Variants in C12orf57 observed in about 807,000 individuals in gnomAD.
C12orf57 encodes the protein chromosome 12 open reading frame 57, also known as protein C10.
In C12orf57, 14 loss-of-function variants were observed where a neutral mutation model predicts 11.3. That is an observed-to-expected ratio of 1.24 (90% CI 0.82 to 1.94). The LOEUF (loss-of-function observed/expected upper bound fraction) is 1.94, where lower values mean the gene tolerates loss of function less well. C12orf57 is among the 30% of genes most tolerant of loss of function. C12orf57 has a pLI of 0.00. For missense variants in C12orf57, 229 were observed against 172.4 expected (o/e 1.33, Z -1.84); for synonymous variants, 100 against 74.6 (o/e 1.34, Z -1.76).
intron 1 of C12orf57, 121 bp downstream of exon 1, chr12:6,944,294 G>A (rs1945733122): frequency 6.3e-7 from 1 of 1,596,018 alleles, no homozygotes; most frequent in Non-Finnish European, 8.5e-7. Context: ...CGTCCGCCGG[G>A]AAAATGGGGT....
At position 6,944,585 on chromosome 12, in the gene C12orf57, G is replaced by A. The variant is rs1446085412; in HGVS notation, c.162G>A (p.Val54=). The part of the protein sequence containing the change: ...CNDMGKMLQF[V]LPVATQIQQE... ...ACATGGGTAAGATGCTGCAATTCGT[G>A]CTGCCCGTGGCCACGCAGATCCAGC... Residue 54 remains valine (V), a synonymous_variant, in exon 2 of 3, where the codon GTG becomes GTA. Transcript: ENST00000229281. 1 of 1,614,082 alleles carries A rather than the reference G, an allele frequency of 6.2e-7. No homozygotes were observed. Among genetic ancestry groups the A allele is most frequent in the African/African-American group, 1.3e-5 (1 of 74,948 alleles).
At chr12:6,943,923 A>T (rs79145172), upstream of C12orf57, 13,219 of 1,316,230 alleles carry the variant, frequency 0.01, 91 homozygotes, top group Non-Finnish European at 0.012. Flanking sequence ...CACTGTGCAA[A>T]AATTATGGGT....
chr12:6,943,660 TA>T (rs1294563274), upstream of C12orf57: 4 of 1,288,324 alleles, frequency 3.1e-6, no homozygotes, highest in Non-Finnish European at 4.0e-6. Context: ...ATGAATGACT[TA>T]AGTAAGTTCC....
chr12:6,943,943 G>GGTC (rs1453438846), upstream of C12orf57: 5 of 1,433,152 alleles, frequency 3.5e-6, no homozygotes, highest in Non-Finnish European at 2.8e-6. Context: ...TAGTTTTGGT[G>GGTC]GTCTTGATGC....
upstream of C12orf57, chr12:6,943,986 A>C (rs1044189): frequency 0.31 from 490,709 of 1,578,814 alleles, 78,552 homozygotes; most frequent in African/African-American, 0.5. Flanking sequence ...GGTTTGGGCC[A>C]CGCCTGGGCG....
In C12orf57 at chr12:6,944,075, G is replaced by A. The variant is rs368386873; in HGVS notation, c.-47G>A. On this transcript the variant is annotated 5_prime_UTR_variant, in exon 1 of 3. The change creates a new upstream start codon in the 5' untranslated region. Coordinates refer to ENST00000229281, the MANE Select transcript of C12orf57 (RefSeq NM_138425.4). ...GGTTGTAGGACGTGGCTCTTTATTC[G>A]TGAGTTTTCCATTTACCTCCGCTGA... is the stretch of plus-strand genomic sequence containing the variant. 1.1e-5 allele frequency: 18 copies of A among 1,613,680 alleles called. No individual in the cohort carries two copies. The highest frequency in any genetic ancestry group is 5.5e-5 in the South Asian group (5 of 91,080).
upstream of C12orf57, chr12:6,943,841 G>GT: frequency 4.5e-6 from 4 of 885,578 alleles, no homozygotes; most frequent in Non-Finnish European, 6.4e-6. Flanking sequence ...TTTAGAATTT[G>GT]TCTAGTAGGC....
chr12:6,944,079 G>GA lies in C12orf57; in HGVS notation c.-43_-42insA, dbSNP rs1555145751. The GA allele has an allele frequency of 1.2e-6, 2 of 1,613,854 alleles. No homozygotes were observed. Among genetic ancestry groups the GA allele is most frequent in the East Asian group, 2.2e-5 (1 of 44,894 alleles). On this transcript the variant is annotated 5_prime_UTR_variant, in exon 1 of 3. Transcript: ENST00000229281. Reference sequence around the variant, plus strand: ...GTAGGACGTGGCTCTTTATTCGTGAGTTTTCCATTTACCTCCGCTGAACCT... The same window carrying GA: ...GTAGGACGTGGCTCTTTATTCGTGAGATTTTCCATTTACCTCCGCTGAACCT...
At chr12:6,943,908 G>A (rs782673805), upstream of C12orf57, 20 of 1,182,656 alleles carry the variant, frequency 1.7e-5, no homozygotes, top group African/African-American at 2.2e-4. Context: ...ATGATAGATT[G>A]TTTTCACTGT....
In C12orf57 at chr12:6,944,046, G is replaced by T. The variant is rs1297817085; in HGVS notation, c.-76G>T. ...TCCTTTCCGCTCCCAGGGGCGTTGG[G>T]AACGGTTGTAGGACGTGGCTCTTTA... On this transcript the variant is annotated 5_prime_UTR_variant, in exon 1 of 3. Coordinates refer to ENST00000229281, the MANE Select transcript of C12orf57 (RefSeq NM_138425.4). The T allele has an allele frequency of 1.2e-6, 2 of 1,611,874 alleles. No homozygotes were observed.
At position 6,944,076 on chromosome 12, in the gene C12orf57, T is replaced by G. The variant is rs371976080; in HGVS notation, c.-46T>G. ...GTTGTAGGACGTGGCTCTTTATTCG[T>G]GAGTTTTCCATTTACCTCCGCTGAA... On this transcript the variant is annotated 5_prime_UTR_variant, in exon 1 of 3. Transcript: ENST00000229281. 332 of 1,613,666 alleles carry G rather than the reference T, an allele frequency of 2.1e-4. 1 individual carries two copies. Among genetic ancestry groups the G allele is most frequent in the Middle Eastern group, 8.2e-4 (5 of 6,062 alleles).
chr12:6,943,896 C>G (rs112796044), upstream of C12orf57: 17 of 1,089,846 alleles, frequency 1.6e-5, no homozygotes, highest in African/African-American at 3.2e-5. Context: ...TGTTTGTTGC[C>G]AATGATAGAT....
rs367876099 is a variant in C12orf57 at position 6,944,131 on chromosome 12, G to T, written c.10G>T (p.Ala4Ser). ...GAGCTTCAGACGCCCTATGGCGTCC[G>T]CCTCGACCCAACCGGCGGCCTTGAG... Reference protein sequence around the residue: MASASTQPAALSAE... With the variant: MASSSTQPAALSAE... The change falls in exon 1 of 3, where the codon GCC becomes TCC. Residue 4 changes from alanine to serine, a missense_variant. By Grantham distance (99) the Ala-to-Ser change is moderately conservative. Transcript: ENST00000229281. 5 of 1,614,228 alleles carry T rather than the reference G, an allele frequency of 3.1e-6. No individual in the cohort carries two copies. Among genetic ancestry groups the T allele is most frequent in the South Asian group, 2.2e-5 (2 of 91,088 alleles).
chr12:6,943,956 T>C (rs1293537433), upstream of C12orf57: 7 of 1,514,976 alleles, frequency 4.6e-6, no homozygotes, highest in East Asian at 9.1e-5. Context: ...CTTGATGCAG[T>C]TGTAAGCTTG....
At chr12:6,944,710 A>T (rs782042899) in intron 2 of C12orf57, 58 bp downstream of exon 2, 14 of 1,597,604 alleles carry the variant, frequency 8.8e-6, no homozygotes, top group Non-Finnish European at 8.6e-6. Context: ...GGGTCGGGAG[A>T]GGGCGCCGGA....
At chr12:6,943,954 A>C, upstream of C12orf57, 2 of 1,494,328 alleles carry the variant, frequency 1.3e-6, no homozygotes, top group East Asian at 2.3e-5. Flanking sequence ...GTCTTGATGC[A>C]GTTGTAAGCT....
chr12:6,945,625 C>A, intron 2 of C12orf57, 146 bp from the exon 3 acceptor site: 2 of 812,184 alleles, frequency 2.5e-6, no homozygotes, highest in Admixed American at 2.0e-5. Flanking sequence ...CCAAACCACA[C>A]GGGACAGAGG....
Position 6,945,781 on chromosome 12 carries a change from GT to G in C12orf57, c.243del (p.Phe81LeufsTer22), listed in dbSNP as rs1945790791. The G allele has an allele frequency of 6.2e-7, 1 of 1,613,632 alleles. No homozygotes were observed. Among genetic ancestry groups the G allele is most frequent in the South Asian group, 1.1e-5 (1 of 90,948 alleles). On this transcript the variant is annotated frameshift_variant, in exon 3 of 3. Coordinates refer to ENST00000229281, the MANE Select transcript of C12orf57 (RefSeq NM_138425.4). LOFTEE classifies it high-confidence loss of function. Reference sequence around the variant, plus strand: ...CACTCCCTCTTGCAGGTGTCCTTAAGTTTGCTCGCTTGGTCAAGTCCTACGA... The same window carrying G: ...CACTCCCTCTTGCAGGTGTCCTTAAGTTGCTCGCTTGGTCAAGTCCTACGA... ...FSCDGEGVLK[F>X]ARLVKSYEAQ...
intron 2 of C12orf57, chr12:6,944,978 T>C (rs898751763): frequency 1.7e-5 from 14 of 801,488 alleles, no homozygotes; most frequent in Non-Finnish European, 2.5e-5. Context: ...CGAAATTGTT[T>C]TGTTTCATAT....
Sources: gnomAD v4.1 joint callset for allele counts on GRCh38, gnomAD v4.1.1 for gene constraint, MANE v1.5 for transcripts, NCBI Gene and HGNC (gene_info 2026-07-23, HGNC 2026-07-21) for gene names.